Variants in SHC4 observed in about 807,000 individuals in gnomAD.
The protein encoded by SHC4 is SHC-transforming protein 4.
A neutral mutation model predicts 69.4 loss-of-function variants in SHC4; 41 were observed. The ratio of observed to expected loss-of-function variants is 0.59; its 90% CI spans 0.46 to 0.77. The LOEUF is 0.77. SHC4 is among the 30% of genes least tolerant of loss of function. The pLI is 0.00. For synonymous variants in SHC4, 318 were observed against 299.3 expected, an observed-to-expected ratio of 1.06 and a Z score of -0.64; for missense variants, 777 against 783.8, an observed-to-expected ratio of 0.99 and a Z score of 0.10.
At chr15:48,841,004 T>C (rs1408317436) in intron 10 of SHC4, among the ~76,000 whole-genome samples, 1 of 152,092 alleles carries the variant, frequency 6.6e-6, no homozygotes, top group Non-Finnish European at 1.5e-5. Context: ...TTTCAATGAA[T>C]GATAGAAATT....
intron 1 of SHC4, among the ~76,000 whole-genome samples, chr15:48,926,480 T>C (rs956229094): frequency 5.9e-5 from 9 of 151,718 alleles, no homozygotes; most frequent in Non-Finnish European, 1.2e-4. Flanking sequence ...TTTTTTCTTT[T>C]GAGATGGAGT....
At chr15:48,865,184 T>C (rs1198127332) in intron 6 of SHC4, among the ~76,000 whole-genome samples, 1 of 152,252 alleles carries the variant, frequency 6.6e-6, no homozygotes, top group African/African-American at 2.4e-5. Flanking sequence ...TCCATAATCA[T>C]TAATAATTAT....
At chr15:48,937,583 CATAG>C (rs5812469) in intron 1 of SHC4, among the ~76,000 whole-genome samples, 20,608 of 147,824 alleles carry the variant, frequency 0.14, 1,605 homozygotes, top group East Asian at 0.32. Context: ...CACACAGACA[CATAG>C]ATAGATAGAT....
In SHC4 at chr15:48,823,800, T is replaced by C. The variant is rs1358486114; in HGVS notation, c.*2171A>G. ...TCGTTTACAGGTATTTATAGGCAAATGGATTTCCACTTTAAGACAGATAAA... is the reference window on the plus strand; with the variant it reads ...TCGTTTACAGGTATTTATAGGCAAACGGATTTCCACTTTAAGACAGATAAA... On this transcript the variant is annotated 3_prime_UTR_variant, in exon 12 of 12. Coordinates refer to ENST00000332408, the MANE Select transcript of SHC4 (RefSeq NM_203349.4). 6.6e-6 allele frequency: 1 copy of C among 152,224 alleles called. No homozygotes were observed. The highest frequency in any genetic ancestry group is 2.4e-5 in the African/African-American group (1 of 41,466). 9.4% of individuals were successfully genotyped at this position (152,224 alleles called of 1,614,324 possible). A position where few individuals can be genotyped will look rare whatever the true frequency, so the allele number is the denominator to read the frequency against.
intron 4 of SHC4, among the ~76,000 whole-genome samples, chr15:48,880,964 C>G (rs1899927952): frequency 6.8e-6 from 1 of 146,478 alleles, no homozygotes; most frequent in African/African-American, 2.5e-5. Flanking sequence ...ATTGTGAGGA[C>G]TAAATGATGA....
intron 2 of SHC4, among the ~76,000 whole-genome samples, chr15:48,895,047 C>T (rs1900200833): frequency 6.6e-6 from 1 of 152,074 alleles, no homozygotes; most frequent in South Asian, 2.1e-4. Context: ...TCAAGTGAGT[C>T]TCCCACCTCA....
At chr15:48,937,397 C>T (rs1275711650) in intron 1 of SHC4, among the ~76,000 whole-genome samples, 3 of 152,080 alleles carry the variant, frequency 2.0e-5, no homozygotes, top group Non-Finnish European at 4.4e-5. Context: ...AACTGATTCT[C>T]AGAGGTTCAA....
intron 10 of SHC4, among the ~76,000 whole-genome samples, chr15:48,836,578 C>T (rs1174789450): frequency 1.3e-5 from 2 of 151,574 alleles, no homozygotes; most frequent in Non-Finnish European, 2.9e-5. Context: ...AAACACAAAG[C>T]GTCTTTGAAA....
chr15:48,878,769 A>G, intron 4 of SHC4: 2 of 1,577,500 alleles, frequency 1.3e-6, no homozygotes, highest in Non-Finnish European at 1.7e-6. Context: ...GGAGGAAACT[A>G]CTTGAGGAGG....
intron 2 of SHC4, among the ~76,000 whole-genome samples, chr15:48,912,262 G>C (rs897604360): frequency 3.9e-5 from 6 of 152,028 alleles, no homozygotes; most frequent in African/African-American, 1.4e-4. Flanking sequence ...CAGACTTCTT[G>C]GAGGCTTCAC....
intron 2 of SHC4, among the ~76,000 whole-genome samples, chr15:48,920,901 A>G (rs546097467): frequency 7.2e-5 from 9 of 125,444 alleles, no homozygotes; most frequent in Non-Finnish European, 1.7e-5. Flanking sequence ...TGGCCAACAT[A>G]TCGAGACTCT....
intron 4 of SHC4, among the ~76,000 whole-genome samples, chr15:48,875,733 T>C (rs1222971706): frequency 6.6e-6 from 1 of 152,234 alleles, no homozygotes; most frequent in Non-Finnish European, 1.5e-5. Flanking sequence ...CATCGGTATA[T>C]GCATGGGTGG....
intron 1 of SHC4, among the ~76,000 whole-genome samples, chr15:48,957,460 T>C (rs1901474653): frequency 1.3e-5 from 2 of 152,160 alleles, no homozygotes; most frequent in Non-Finnish European, 2.9e-5. Context: ...CTACATCTAG[T>C]CTAGACAACA....
chr15:48,835,679 C>T (rs939313389), intron 10 of SHC4, among the ~76,000 whole-genome samples: 2 of 152,062 alleles, frequency 1.3e-5, no homozygotes, highest in East Asian at 3.9e-4. Flanking sequence ...CTCCCCAAGG[C>T]GCTGCTGAAT....
intron 5 of SHC4, among the ~76,000 whole-genome samples, chr15:48,868,700 C>A (rs951560923): frequency 6.6e-6 from 1 of 152,090 alleles, no homozygotes; most frequent in Non-Finnish European, 1.5e-5. Flanking sequence ...GAAATAAAAG[C>A]CCATGTTTGT....
intron 2 of SHC4, among the ~76,000 whole-genome samples, chr15:48,910,205 T>C (rs1900483405): frequency 6.6e-6 from 1 of 152,104 alleles, no homozygotes; most frequent in South Asian, 2.1e-4. Flanking sequence ...TTTTTGTTGT[T>C]GGTAATTTTT....
At chr15:48,881,140 C>T (rs1899937199) in intron 4 of SHC4, among the ~76,000 whole-genome samples, 2 of 151,758 alleles carry the variant, frequency 1.3e-5, no homozygotes, top group African/African-American at 4.8e-5. Context: ...CCAAATTTAT[C>T]CATACATATT....
chr15:48,886,921 A>G (rs1339048174), intron 3 of SHC4, among the ~76,000 whole-genome samples: 2 of 152,174 alleles, frequency 1.3e-5, no homozygotes, highest in Non-Finnish European at 2.9e-5. Context: ...GAGTGGAGGC[A>G]GGCCTGGCAG....
chr15:48,919,015 T>C (rs532841231), intron 2 of SHC4, among the ~76,000 whole-genome samples: 75 of 152,178 alleles, frequency 4.9e-4, no homozygotes, highest in African/African-American at 1.7e-3. Flanking sequence ...TTCAAGAAGC[T>C]GGGATGGGGA....
Sources: allele counts gnomAD v4.1 joint callset (sites outside exome capture counted in the v4.1 genomes callset), GRCh38; gene constraint gnomAD v4.1.1; transcripts MANE v1.5; gene names NCBI Gene and HGNC (gene_info 2026-07-23, HGNC 2026-07-21).